The following VWF variants were observed in gnomAD, a reference collection of about 807,000 sequenced individuals.
VWF encodes the protein Factor VIII related antigen.
VWF carries 176 observed loss-of-function variants against 308.6 expected under a neutral mutation model. The ratio of observed to expected loss-of-function variants is 0.57; its 90% confidence interval spans 0.50 to 0.65. The LOEUF (loss-of-function observed/expected upper bound fraction) is 0.65, where lower values mean the gene tolerates loss of function less well. Among genes scored for constraint, VWF ranks in the 30% least tolerant of loss-of-function variants. VWF has a pLI of 0.00. For synonymous variants in VWF, 1,385 were observed against 1,443.4 expected (o/e 0.96, Z 0.92); for missense variants, 3,146 against 3,648.2 (o/e 0.86, Z 3.55).
At chr12:6,011,209 T>TGGATTAA (rs1325688600) in intron 34 of VWF, among the ~76,000 whole-genome samples, 1 of 152,186 alleles carries the variant, frequency 6.6e-6, no homozygotes, top group Non-Finnish European at 1.5e-5. Flanking sequence ...CAGGCCGCCT[T>TGGATTAA]GGTGATGTAC....
chr12:6,012,260 G>C, intron 32 of VWF, 130 bp from the exon 33 acceptor site: 2 of 1,004,692 alleles, frequency 2.0e-6, no homozygotes, highest in South Asian at 2.6e-5. Context: ...ATCTGAACAA[G>C]GTTAACAGTG....
chr12:5,996,255 G>A (rs1458883434), intron 34 of VWF, 33 bp from the exon 35 acceptor site: 6 of 1,578,952 alleles, frequency 3.8e-6, no homozygotes, highest in Admixed American at 1.8e-5. Flanking sequence ...TGGATGCGAC[G>A]TTATCCAAAC....
chr12:5,979,980 G>A (rs1943577862), intron 42 of VWF, among the ~76,000 whole-genome samples: 1 of 147,066 alleles, frequency 6.8e-6, no homozygotes, highest in Non-Finnish European at 1.5e-5. Flanking sequence ...GGTGGAGCTT[G>A]CAGTGAGCCG....
chr12:5,964,300 A>ATACATACATGC (rs1267334614), intron 47 of VWF, among the ~76,000 whole-genome samples: 1 of 152,070 alleles, frequency 6.6e-6, no homozygotes, highest in Admixed American at 6.6e-5. Context: ...ACATACATAC[A>ATACATACATGC]AAAAGCTACC....
At position 6,110,565 on chromosome 12, in the gene VWF, G is replaced by A. The variant is rs1365449398; in HGVS notation, c.341C>T (p.Ala114Val). ...QGDQRVSMPYASKGLYLETEA... is the reference protein window; with the variant it reads ...QGDQRVSMPYVSKGLYLETEA... ...AGTTTCTAGATACAGCCCTTTGGAG[G>A]CATAGGGCATGGAGACTCTGGAGGG... The change falls in exon 5 of 52, where the codon GCC (alanine) becomes GTC (valine). Residue 114 changes from alanine to valine, a missense_variant. Ala to Val is a moderately conservative substitution (Grantham distance 64). Around this residue, in one of 3 missense-constraint regions of VWF, gnomAD observed 1,304 missense variants for 1,353.0 expected, o/e 0.96. Coordinates refer to ENST00000261405, the MANE Select transcript of VWF (RefSeq NM_000552.5). The A allele has an allele frequency of 3.1e-6, 5 of 1,614,054 alleles. No homozygotes were observed. The Admixed American group carries it at 8.3e-5, about 27-fold the overall frequency.
chr12:6,034,699 C>A lies in VWF; in HGVS notation c.2674G>T (p.Val892Phe). 1 of 1,614,062 alleles carries A rather than the reference C, an allele frequency of 6.2e-7. No individual in the cohort carries two copies. The highest frequency in any genetic ancestry group is 8.5e-7 in the Non-Finnish European group (1 of 1,179,960). The part of the protein sequence containing the change: ...KYLFPGECQY[V>F]LVQDYCGSNP... ...TCCCCACCTCTCACCTGCACCAGAA[C>A]GTACTGGCACTCCCCGGGGAACAGG... The change falls in exon 20 of 52, where the codon GTT (valine) becomes TTT (phenylalanine). Residue 892 changes from valine to phenylalanine, a missense_variant. This residue lies in a region of VWF where 1,304 missense variants were observed against 1,353.0 expected (regional missense o/e 0.96). Transcript: ENST00000261405.
At chr12:6,082,923 C>T (rs1944929675) in intron 6 of VWF, among the ~76,000 whole-genome samples, 1 of 152,236 alleles carries the variant, frequency 6.6e-6, no homozygotes, top group Non-Finnish European at 1.5e-5. Flanking sequence ...CCTCCCACTC[C>T]TGTTTCCTAG....
At chr12:6,073,893 G>T in intron 7 of VWF, 152 bp from the exon 8 acceptor site, 1 of 1,224,930 alleles carries the variant, frequency 8.2e-7, no homozygotes. Context: ...AGTGAGCCAC[G>T]TGCCCCCCTG....
chr12:6,118,000 C>G (rs1012669590), intron 3 of VWF, among the ~76,000 whole-genome samples: 1 of 152,086 alleles, frequency 6.6e-6, no homozygotes, highest in Non-Finnish European at 1.5e-5. Flanking sequence ...CCAGTGAGCA[C>G]GAGTTGATGA....
chr12:5,980,159 G>A (rs1379042649), intron 42 of VWF, among the ~76,000 whole-genome samples: 3 of 22,104 alleles, frequency 1.4e-4, no homozygotes, highest in African/African-American at 3.5e-4. Context: ...GGGAGGGAGT[G>A]AGGGAGGGAG....
chr12:6,090,602 ACTC>A (rs71064185), intron 6 of VWF, among the ~76,000 whole-genome samples: 76,790 of 145,212 alleles, frequency 0.53, 21,659 homozygotes, highest in East Asian at 0.75. Context: ...GCTAACAACA[ACTC>A]CTCCTCCTCC....
chr12:6,037,973 G>A (rs1944356470), intron 18 of VWF, among the ~76,000 whole-genome samples: 2 of 152,222 alleles, frequency 1.3e-5, no homozygotes, highest in Admixed American at 6.5e-5. Context: ...CCAACCTCAG[G>A]AGGTGTTCCC....
At chr12:6,052,444 C>A (rs1175206521) in intron 16 of VWF, 99 bp downstream of exon 16, 1 of 1,576,548 alleles carries the variant, frequency 6.3e-7, no homozygotes, top group Admixed American at 1.7e-5. Flanking sequence ...CTTCCTTGGG[C>A]CCCAGTTTAC....
chr12:6,103,512 A>G (rs1447542565), intron 5 of VWF, among the ~76,000 whole-genome samples: 73 of 140,344 alleles, frequency 5.2e-4, no homozygotes, highest in African/African-American at 1.9e-3. Context: ...ACGTATATAT[A>G]TACACACATA....
chr12:6,031,377 A>T, intron 21 of VWF, 67 bp downstream of exon 21: 1 of 1,613,738 alleles, frequency 6.2e-7, no homozygotes, highest in South Asian at 1.1e-5. Flanking sequence ...GAATGCTTGG[A>T]AAATGTTCCT....
chr12:5,979,296 A>G (rs1246741884), intron 42 of VWF, among the ~76,000 whole-genome samples: 2 of 152,266 alleles, frequency 1.3e-5, no homozygotes, highest in African/African-American at 4.8e-5. Context: ...TCAGTATGAT[A>G]GAAGTAGAGA....
intron 46 of VWF, 83 bp from the exon 47 acceptor site, chr12:5,967,685 C>A: frequency 8.0e-7 from 1 of 1,252,952 alleles, no homozygotes; most frequent in Non-Finnish European, 1.2e-6. Flanking sequence ...GTCTCCTGCC[C>A]ACCCACCCAT....
intron 16 of VWF, among the ~76,000 whole-genome samples, chr12:6,047,683 T>C (rs1944460886): frequency 6.6e-6 from 1 of 152,262 alleles, no homozygotes; most frequent in South Asian, 2.1e-4. Flanking sequence ...GTATGTATGT[T>C]TAGTTTGTAT....
At chr12:6,023,232 C>T (rs1944149683) in intron 25 of VWF, among the ~76,000 whole-genome samples, 1 of 152,116 alleles carries the variant, frequency 6.6e-6, no homozygotes, top group African/African-American at 2.4e-5. Context: ...CAGTTTTCTA[C>T]ATAAAAACAT....
Sources: allele counts gnomAD v4.1 joint callset (sites outside exome capture counted in the v4.1 genomes callset), GRCh38; gene constraint gnomAD v4.1.1; regional missense constraint gnomAD v4.1.1; transcripts MANE v1.5; gene names NCBI Gene and HGNC (gene_info 2026-07-23, HGNC 2026-07-21).